ANK2: variants seen among roughly 807,000 people sequenced by gnomAD.
ANK2 encodes the protein ankyrin 2.
ANK2 carries 83 observed loss-of-function variants against 360.5 expected under a neutral mutation model. The observed-to-expected ratio is 0.23, with a 90% CI of 0.19 to 0.28. The LOEUF is 0.28. Among genes scored for constraint, ANK2 ranks in the 10% least tolerant of loss-of-function variants. ANK2 has a pLI of 1.00. For missense variants in ANK2, 4,201 were observed against 4,795.7 expected (o/e 0.88, Z 3.66); for synonymous variants, 1,740 against 1,759.5 (o/e 0.99, Z 0.28).
chr4:113,132,473 A>C (rs184060952), intron 1 of ANK2, among the ~76,000 whole-genome samples: 2 of 152,266 alleles, frequency 1.3e-5, no homozygotes, highest in Admixed American at 1.3e-4. Flanking sequence ...ATTGATAGGA[A>C]ATTTTTTAGA....
chr4:113,097,840 A>ATG (rs541314094), intron 1 of ANK2, among the ~76,000 whole-genome samples: 114 of 16,404 alleles, frequency 6.9e-3, no homozygotes, highest in South Asian at 0.031. Context: ...TTGTATATAT[A>ATG]TGTGTGTGTG....
At chr4:112,995,032 G>T (rs974070751) in intron 2 of ANK2, among the ~76,000 whole-genome samples, 1 of 152,148 alleles carries the variant, frequency 6.6e-6, no homozygotes. Flanking sequence ...TTGATTCCAG[G>T]TCTTTGCTAT....
chr4:113,140,447 A>G (rs892598787), intron 1 of ANK2, among the ~76,000 whole-genome samples: 1 of 152,226 alleles, frequency 6.6e-6, no homozygotes, highest in Non-Finnish European at 1.5e-5. Context: ...TGAAAAATAT[A>G]AAGTATTGAC....
At chr4:113,039,533 A>AT (rs34577282) in intron 2 of ANK2, among the ~76,000 whole-genome samples, 65 of 150,542 alleles carry the variant, frequency 4.3e-4, no homozygotes, top group Middle Eastern at 3.4e-3. Context: ...TGATTTACAT[A>AT]TTTTTTTTTT....
chr4:113,352,949 C>A, intron 37 of ANK2, 96 bp from the exon 38 acceptor site: 1 of 1,424,640 alleles, frequency 7.0e-7, no homozygotes, highest in South Asian at 1.3e-5. Context: ...ACCACCACCA[C>A]AGGAAAAGAC....
At chr4:113,173,514 G>T (rs1056654692) in intron 1 of ANK2, among the ~76,000 whole-genome samples, 1 of 152,076 alleles carries the variant, frequency 6.6e-6, no homozygotes, top group Non-Finnish European at 1.5e-5. Flanking sequence ...AGTTATGCAG[G>T]TGTCTTGGAA....
rs149293790 is a variant in ANK2 at position 113,129,660 on chromosome 4, T to A, written c.85-44756T>A. 3.3e-4 allele frequency among the ~76,000 whole-genome samples: 51 copies of A among 152,348 alleles called. No individual in the cohort carries two copies. In the East Asian group the frequency reaches 5.2e-3, roughly 16 times the overall value. Reference sequence around the variant, plus strand: ...TAACCAAAATACCAGAAAACTATTTTGTTCATAGTACCATTTTTCAAATAT... The same window carrying A: ...TAACCAAAATACCAGAAAACTATTTAGTTCATAGTACCATTTTTCAAATAT... On this transcript the variant is annotated intron_variant, in intron 1 of 45. Transcript: ENST00000357077.
intron 1 of ANK2, chr4:113,151,017 G>C: frequency 8.2e-7 from 1 of 1,214,612 alleles, no homozygotes; most frequent in Non-Finnish European, 1.1e-6. Flanking sequence ...AAAAATGAAT[G>C]AATTAATGAC....
chr4:113,276,000 G>A (rs1270670636), intron 15 of ANK2, among the ~76,000 whole-genome samples: 14 of 143,602 alleles, frequency 9.7e-5, no homozygotes, highest in African/African-American at 3.4e-4. Context: ...GGAGTACAGT[G>A]GTGCGATCTT....
chr4:112,787,661 G>A, the ANK2 span, among the ~76,000 whole-genome samples: 1 of 152,202 alleles, frequency 6.6e-6, no homozygotes, highest in Non-Finnish European at 1.5e-5. Flanking sequence ...CCTTGGGTCA[G>A]GCCCACTCTG....
At chr4:113,013,348 A>G (rs1428156420) in intron 2 of ANK2, among the ~76,000 whole-genome samples, 1 of 152,212 alleles carries the variant, frequency 6.6e-6, no homozygotes, top group African/African-American at 2.4e-5. Flanking sequence ...TGATAATTTT[A>G]AAAGGAAAAG....
At chr4:113,189,997 T>C (rs960239838) in intron 2 of ANK2, among the ~76,000 whole-genome samples, 36 of 152,276 alleles carry the variant, frequency 2.4e-4, no homozygotes, top group African/African-American at 8.4e-4. Context: ...TATACTCTTA[T>C]TACTTGTCAT....
At chr4:112,858,198 T>A (rs188802834) in intron 1 of ANK2, among the ~76,000 whole-genome samples, 1 of 151,502 alleles carries the variant, frequency 6.6e-6, no homozygotes, top group East Asian at 2.0e-4. Flanking sequence ...AAGAGGAAGT[T>A]TTTTTTTGAG....
At chr4:113,367,490 T>G in intron 41 of ANK2, 76 bp from the exon 42 acceptor site, 1 of 1,357,966 alleles carries the variant, frequency 7.4e-7, no homozygotes, top group African/African-American at 1.5e-5. Context: ...TTTTATCCTC[T>G]TATATTTATT....
chr4:113,031,528 T>A (rs2060399797), intron 2 of ANK2: 1 of 152,042 alleles, frequency 6.6e-6, no homozygotes, highest in African/African-American at 2.4e-5. Flanking sequence ...CATGGAAGTA[T>A]AATTAAAGTA....
intron 2 of ANK2, among the ~76,000 whole-genome samples, chr4:112,975,050 A>G (rs1476058646): frequency 6.6e-6 from 1 of 152,178 alleles, no homozygotes; most frequent in Non-Finnish European, 1.5e-5. Flanking sequence ...TAGAACTGTT[A>G]CCCACTCTCA....
chr4:113,088,552 A>T (rs1303749665), intron 1 of ANK2, among the ~76,000 whole-genome samples: 1 of 152,192 alleles, frequency 6.6e-6, no homozygotes, highest in East Asian at 1.9e-4. Flanking sequence ...GGGCTTATGT[A>T]ACAAAGCTTG....
chr4:113,290,210 T>TA (rs1274007564), intron 20 of ANK2, among the ~76,000 whole-genome samples: 1 of 151,878 alleles, frequency 6.6e-6, no homozygotes, highest in Non-Finnish European at 1.5e-5. Flanking sequence ...CTTGCAGTGT[T>TA]ACATTTGGAA....
At chr4:112,955,211 C>T (rs935122967) in intron 2 of ANK2, among the ~76,000 whole-genome samples, 1 of 148,276 alleles carries the variant, frequency 6.7e-6, no homozygotes, top group Non-Finnish European at 1.5e-5. Flanking sequence ...TACTTTTTAT[C>T]TTTTTTAATT....
Sources: allele counts gnomAD v4.1 joint callset (sites outside exome capture counted in the v4.1 genomes callset), GRCh38; gene constraint gnomAD v4.1.1; transcripts MANE v1.5; gene names NCBI Gene and HGNC (gene_info 2026-07-23, HGNC 2026-07-21).